TSC1: variants seen among roughly 807,000 people sequenced by gnomAD.
TSC1 encodes the protein hamartin.
A neutral mutation model predicts 124.3 loss-of-function variants in TSC1; 20 were observed. The ratio of observed to expected loss-of-function variants is 0.16; its 90% CI spans 0.11 to 0.23. The LOEUF (loss-of-function observed/expected upper bound fraction) is 0.23. TSC1 is among the 10% of genes least tolerant of loss of function. The probability of loss-of-function intolerance (pLI) is 1.00; values close to 1 mark genes in which losing one functional copy is unlikely to be tolerated. For synonymous variants in TSC1, 493 were observed against 539.1 expected, an observed-to-expected ratio of 0.91 and a Z score of 1.19; for missense variants, 1,124 against 1,448.5, an observed-to-expected ratio of 0.78 and a Z score of 3.64.
chr9:132,904,029 T>C (rs1484732453), intron 16 of TSC1, among the ~76,000 whole-genome samples: 1 of 152,122 alleles, frequency 6.6e-6, no homozygotes, highest in African/African-American at 2.4e-5. Flanking sequence ...GGTCATATCA[T>C]GTGGGATGAC....
intron 2 of TSC1, among the ~76,000 whole-genome samples, chr9:132,930,660 T>A (rs909101376): frequency 6.7e-6 from 1 of 149,800 alleles, no homozygotes; most frequent in Admixed American, 6.6e-5. Flanking sequence ...AAATTAGCCA[T>A]GACCCCAAAA....
chr9:132,912,138 A>T, intron 9 of TSC1, 144 bp downstream of exon 9: 2 of 913,646 alleles, frequency 2.2e-6, no homozygotes, highest in African/African-American at 1.7e-5. Context: ...AAGAAAATGG[A>T]GGGACATGCA....
In TSC1 at chr9:132,923,333, T is replaced by G. The variant is rs764092696; in HGVS notation, c.508+15A>C. 1 of 1,613,974 alleles carries G rather than the reference T, an allele frequency of 6.2e-7. No homozygotes were observed. Among genetic ancestry groups the G allele is most frequent in the Admixed American group, 1.7e-5 (1 of 60,002 alleles). On this transcript the variant is annotated intron_variant, in intron 6 of 22. Transcript: ENST00000298552. This position sits in a 1 kb window ranked among gnomAD's most constrained non-coding sequence, Gnocchi z 4.2. ...CACCTCACAGGGCCCAACAGGTATA[T>G]GAGGAGATCTGTACCTGGTTTCTTC...
chr9:132,914,151 T>C (rs1846138278), intron 8 of TSC1, among the ~76,000 whole-genome samples: 1 of 151,890 alleles, frequency 6.6e-6, no homozygotes, highest in Non-Finnish European at 1.5e-5. Context: ...CCACCTGCCT[T>C]AGCCTCCCAA....
chr9:132,921,036 A>G lies in TSC1; in HGVS notation c.737+327T>C, dbSNP rs1340283421. Among the ~76,000 whole-genome samples, 1 of 151,848 alleles carries G rather than the reference A, an allele frequency of 6.6e-6. No homozygotes were observed. Among genetic ancestry groups the G allele is most frequent in the African/African-American group, 2.4e-5 (1 of 41,346 alleles). On this transcript the variant is annotated intron_variant, in intron 8 of 22. Coordinates refer to ENST00000298552, the MANE Select transcript of TSC1 (RefSeq NM_000368.5). This position sits in a 1 kb window ranked among gnomAD's most constrained non-coding sequence, Gnocchi z 4.3. ...AAAGCCAGATTTATATATATGCTAA[A>G]TTGTTTTTCTGCAGTCCCCTTGTTT...
chr9:132,940,297 T>C (rs1018712685), intron 1 of TSC1, among the ~76,000 whole-genome samples: 3 of 152,134 alleles, frequency 2.0e-5, no homozygotes, highest in African/African-American at 7.2e-5. Flanking sequence ...CAGTAATCTA[T>C]CTAAAATGAT....
rs1845467247 is a variant in TSC1, at chr9:132,903,070, C to A, written c.2209-283G>T. On this transcript the variant is annotated intron_variant, in intron 17 of 22. Coordinates refer to ENST00000298552, the MANE Select transcript of TSC1 (RefSeq NM_000368.5). The surrounding 1 kb of genome is among the most constrained non-coding windows in gnomAD (Gnocchi z 5.9). ...CTGACTACCAACACTGGAATAAAAT[C>A]TCTCAAACATGGTACTAAGTTCACT... Among the ~76,000 whole-genome samples, 1 of 152,218 alleles carries A rather than the reference C, an allele frequency of 6.6e-6. No individual in the cohort carries two copies. Among genetic ancestry groups the A allele is most frequent in the Admixed American group, 6.5e-5 (1 of 15,276 alleles).
rs770704462 is a variant in TSC1 at position 132,912,397 on chromosome 9, G to A, written c.798C>T (p.Pro266=). 43 of 1,614,024 alleles carry A rather than the reference G, an allele frequency of 2.7e-5. No homozygotes were observed. The highest frequency in any genetic ancestry group is 3.6e-5 in the Non-Finnish European group (42 of 1,180,036). ...AGCCATCTTCATATGAGGCTTCTGT[G>A]GGATCCAGAGAGATTTTGGCACACT... is the stretch of plus-strand genomic sequence containing the variant. ...VIECAKISLD[P]TEASYEDGYS... The change falls in exon 9 of 23, where the codon CCC becomes CCT. Residue 266 remains proline (P), a synonymous_variant. Coordinates refer to ENST00000298552, the MANE Select transcript of TSC1 (RefSeq NM_000368.5).
chr9:132,930,242 G>C (rs1464165169), intron 2 of TSC1, among the ~76,000 whole-genome samples: 2 of 152,036 alleles, frequency 1.3e-5, no homozygotes, highest in Non-Finnish European at 2.9e-5. Context: ...AATTATTTTT[G>C]AGAAACACTA....
In TSC1 at chr9:132,907,560, G is replaced by GC. The variant is rs35494652; in HGVS notation, c.1264-191dup. Among the ~76,000 whole-genome samples, 23,868 of 152,064 alleles carry GC rather than the reference G, an allele frequency of 0.16. 1,975 individuals carry two copies. Among genetic ancestry groups the GC allele is most frequent in the African/African-American group, 0.21 (8,886 of 41,434 alleles). ...GCTGGAGTGCAATGGCACAATCTCG[G>GC]CTCACTGCAACCTCCGCCTCCTGGG... On this transcript the variant is annotated intron_variant, in intron 12 of 22. Coordinates refer to ENST00000298552, the MANE Select transcript of TSC1 (RefSeq NM_000368.5).
chr9:132,897,908 CAG>C (rs1179428578), intron 20 of TSC1, among the ~76,000 whole-genome samples: 4 of 152,130 alleles, frequency 2.6e-5, no homozygotes, highest in Non-Finnish European at 2.9e-5. Flanking sequence ...AGTCTAATGT[CAG>C]GGGAACAGTT....
chr9:132,942,664 T>C (rs956932866), intron 1 of TSC1, among the ~76,000 whole-genome samples: 8 of 152,188 alleles, frequency 5.3e-5, no homozygotes, highest in Non-Finnish European at 4.4e-5. Flanking sequence ...ACCAGGAATT[T>C]AGGAACGTAC....
chr9:132,902,918 T>TA lies in TSC1; in HGVS notation c.2209-132dup. 2 of 1,158,532 alleles carry TA rather than the reference T, an allele frequency of 1.7e-6. No individual in the cohort carries two copies. Among genetic ancestry groups the TA allele is most frequent in the Non-Finnish European group, 1.3e-6 (1 of 788,598 alleles). The allele number at this position is 1,158,532 out of a possible 1,614,324, so 71.8% of individuals were successfully genotyped here. On this transcript the variant is annotated intron_variant, in intron 17 of 22. Transcript: ENST00000298552. This position sits in a 1 kb window ranked among gnomAD's most constrained non-coding sequence, Gnocchi z 5.2. ...GTAACTAACTACAGACCAAAACTCT[T>TA]AGAGCTCACTACTGTCTTACTTGGC...
Position 132,944,536 on chromosome 9 carries a change from T to A in TSC1, c.-144+7A>T, listed in dbSNP as rs563924788. ...TAAAAAGGAGGGGGAGACACCCCCA[T>A]ACTCACCCACCGTCTCCTCCCCCTC... On this transcript the variant is annotated splice_region_variant and intron_variant, in intron 1 of 22. Coordinates refer to ENST00000298552, the MANE Select transcript of TSC1 (RefSeq NM_000368.5). 5.3e-5 allele frequency: 21 copies of A among 398,412 alleles called. No homozygotes were observed. In the South Asian group the frequency reaches 2.3e-3, roughly 43 times the overall value. 24.7% of individuals were successfully genotyped at this position (398,412 alleles called of 1,614,324 possible). A position where few individuals can be genotyped will look rare whatever the true frequency, so the allele number is the denominator to read the frequency against.
At chr9:132,931,243 T>G (rs907471605) in intron 2 of TSC1, 1 of 152,212 alleles carries the variant, frequency 6.6e-6, no homozygotes, top group Non-Finnish European at 1.5e-5. Context: ...GAGTTTGCCT[T>G]CTGTGTAGTC....
intron 6 of TSC1, among the ~76,000 whole-genome samples, chr9:132,922,279 A>G (rs1246841756): frequency 6.6e-6 from 1 of 152,198 alleles, no homozygotes. Context: ...AAAGGATCCC[A>G]AACATTCTCA....
At chr9:132,909,817 T>G (rs1845848813) in intron 12 of TSC1, 1 of 152,250 alleles carries the variant, frequency 6.6e-6, no homozygotes, top group Non-Finnish European at 1.5e-5. Flanking sequence ...TTTTAAAATT[T>G]TTTAGTTTTT....
chr9:132,940,584 C>G (rs1485854389), intron 1 of TSC1, among the ~76,000 whole-genome samples: 2 of 152,070 alleles, frequency 1.3e-5, no homozygotes, highest in Non-Finnish European at 2.9e-5. Flanking sequence ...TGGAGTCAAC[C>G]AAAAAGGTTC....
rs530908428 is a variant in TSC1, at chr9:132,906,825, A to C, written c.1344T>G (p.Pro448=). 5.6e-6 allele frequency: 9 copies of C among 1,613,978 alleles called. No homozygotes were observed. Among genetic ancestry groups the C allele is most frequent in the Non-Finnish European group, 6.8e-6 (8 of 1,180,012 alleles). ...LLNDRGSEEP[P]GSKGSVTLSD... is the part of the protein sequence containing the mutation. ...TTAGAGTGACAGAACCTTTGCTGCCAGGTGGCTCTTCTGAAGAGAAACAAA... is the reference window on the plus strand; with the variant it reads ...TTAGAGTGACAGAACCTTTGCTGCCCGGTGGCTCTTCTGAAGAGAAACAAA... The change falls in exon 14 of 23, where the codon CCT becomes CCG. Residue 448 remains proline (P), a synonymous_variant. Transcript: ENST00000298552. This position sits in a 1 kb window ranked among gnomAD's most constrained non-coding sequence, Gnocchi z 4.1.
Sources: gnomAD v4.1 joint callset for allele counts (sites outside exome capture counted in the v4.1 genomes callset) on GRCh38, gnomAD v4.1.1 for gene constraint, Gnocchi (gnomAD v3.1) non-coding constraint, MANE v1.5 for transcripts, NCBI Gene and HGNC (gene_info 2026-07-23, HGNC 2026-07-21) for gene names.